The following DTNB variants were observed in gnomAD, a reference collection of about 807,000 sequenced individuals.
DTNB encodes dystrobrevin beta.
In DTNB, 63 loss-of-function variants were observed where a neutral mutation model predicts 90.7. That is an observed-to-expected ratio of 0.69 (90% CI 0.57 to 0.86). The LOEUF is 0.86. Among genes scored for constraint, DTNB ranks in the 40% least tolerant of loss-of-function variants. The probability of loss-of-function intolerance (pLI) is 0.00; values close to 1 mark genes in which losing one functional copy is unlikely to be tolerated. For missense variants in DTNB, 744 were observed against 807.1 expected (o/e 0.92, Z 0.95); for synonymous variants, 277 against 286.7 (o/e 0.97, Z 0.34).
intron 1 of DTNB, among the ~76,000 whole-genome samples, chr2:25,664,614 T>C (rs1159125427): frequency 6.6e-6 from 1 of 152,154 alleles, no homozygotes; most frequent in Non-Finnish European, 1.5e-5. Flanking sequence ...ACTTGATTGC[T>C]CATATTTTCT....
chr2:25,635,699 AC>A (rs1455810018), intron 3 of DTNB, among the ~76,000 whole-genome samples: 9 of 152,204 alleles, frequency 5.9e-5, no homozygotes, highest in Non-Finnish European at 1.2e-4. Context: ...TAAAAAAAAC[AC>A]AGGAGAGTTG....
intron 4 of DTNB, among the ~76,000 whole-genome samples, chr2:25,609,254 C>A (rs2067860150): frequency 1.3e-5 from 2 of 152,248 alleles, no homozygotes; most frequent in Admixed American, 1.3e-4. Flanking sequence ...AAGTGGCCCA[C>A]AAAGATGAAG....
chr2:25,647,069 A>G (rs1232554776), intron 2 of DTNB, among the ~76,000 whole-genome samples: 1 of 152,252 alleles, frequency 6.6e-6, no homozygotes, highest in African/African-American at 2.4e-5. Context: ...AATTTAAGTA[A>G]AAGAATGAAA....
intron 9 of DTNB, among the ~76,000 whole-genome samples, chr2:25,494,195 A>G (rs952648515): frequency 1.3e-5 from 2 of 152,122 alleles, no homozygotes; most frequent in Non-Finnish European, 2.9e-5. Context: ...TGGTATTTCT[A>G]TTTTGCAAAT....
In DTNB at chr2:25,532,847, A is replaced by G. The variant is rs147059982; in HGVS notation, c.877-1250T>C. Among the ~76,000 whole-genome samples, 447 of 152,350 alleles carry G rather than the reference A, an allele frequency of 2.9e-3. 3 individuals carry two copies. Among genetic ancestry groups the G allele is most frequent in the African/African-American group, 0.01 (429 of 41,576 alleles). On this transcript the variant is annotated intron_variant, in intron 8 of 20. Coordinates refer to ENST00000406818, the MANE Select transcript of DTNB (RefSeq NM_021907.5). ...CTGCCTCATCAATGCCACGTCCCCA[A>G]TAGACTTCTATATGCTGCTTGTTGT... is the stretch of plus-strand genomic sequence containing the variant.
At chr2:25,447,672 T>G (rs1410204284) in intron 12 of DTNB, among the ~76,000 whole-genome samples, 1 of 150,196 alleles carries the variant, frequency 6.7e-6, no homozygotes, top group Non-Finnish European at 1.5e-5. Flanking sequence ...ACCTGGCTAA[T>G]TTTTTTTTGT....
intron 9 of DTNB, among the ~76,000 whole-genome samples, chr2:25,503,133 A>G (rs1046361628): frequency 4.0e-4 from 60 of 149,460 alleles, no homozygotes; most frequent in African/African-American, 1.4e-3. Context: ...CAAGAAGTCA[A>G]ATTATCTCTA....
chr2:25,670,691 T>C (rs1198983400), intron 1 of DTNB, among the ~76,000 whole-genome samples: 1 of 152,174 alleles, frequency 6.6e-6, no homozygotes, highest in Non-Finnish European at 1.5e-5. Context: ...CTGATGCTCG[T>C]GTAATTCGAA....
At chr2:25,576,632 T>G in intron 8 of DTNB, 1 of 586,080 alleles carries the variant, frequency 1.7e-6, no homozygotes, top group Non-Finnish European at 2.8e-6. Flanking sequence ...TGTACTATCT[T>G]TGTTTCCTGG....
intron 2 of DTNB, among the ~76,000 whole-genome samples, chr2:25,650,677 T>C (rs1208414045): frequency 6.6e-6 from 1 of 152,120 alleles, no homozygotes; most frequent in Non-Finnish European, 1.5e-5. Flanking sequence ...AGCACAGATT[T>C]AGGCCAGGCA....
intron 10 of DTNB, among the ~76,000 whole-genome samples, chr2:25,469,531 C>T (rs759958568): frequency 2.6e-5 from 4 of 152,036 alleles, no homozygotes; most frequent in Admixed American, 6.6e-5. Context: ...CTGCAACCTC[C>T]GCCTCCTGGG....
intron 3 of DTNB, among the ~76,000 whole-genome samples, chr2:25,633,335 C>T (rs1229480118): frequency 2.6e-5 from 4 of 152,172 alleles, no homozygotes; most frequent in Admixed American, 2.6e-4. Context: ...GACTGGTTTT[C>T]GTATTTTTTT....
intron 16 of DTNB, among the ~76,000 whole-genome samples, chr2:25,406,725 T>G (rs2045295908): frequency 6.6e-6 from 1 of 152,160 alleles, no homozygotes; most frequent in Admixed American, 6.6e-5. Flanking sequence ...GACTTAGTCA[T>G]GAGGTCCTAC....
intron 16 of DTNB, 176 bp from the exon 17 acceptor site, chr2:25,388,537 A>T: frequency 1.2e-6 from 1 of 821,632 alleles, no homozygotes; most frequent in South Asian, 2.0e-5. Context: ...GAGGAAGAAA[A>T]GGAAAAAAGG....
intron 16 of DTNB, among the ~76,000 whole-genome samples, chr2:25,411,555 T>C (rs1404655077): frequency 6.6e-6 from 1 of 152,050 alleles, no homozygotes; most frequent in African/African-American, 2.4e-5. Flanking sequence ...TCTATGCACA[T>C]ATCCTGGGAC....
At chr2:25,444,100 A>AT (rs922211650) in intron 12 of DTNB, among the ~76,000 whole-genome samples, 12 of 151,962 alleles carry the variant, frequency 7.9e-5, no homozygotes, top group Non-Finnish European at 1.6e-4. Context: ...TGAATTTTAA[A>AT]TTTTTTTATA....
chr2:25,610,154 A>C (rs1360654084), intron 4 of DTNB, among the ~76,000 whole-genome samples: 1 of 152,152 alleles, frequency 6.6e-6, no homozygotes, highest in East Asian at 1.9e-4. Context: ...TCTGTCGCCC[A>C]GGCTGAAATA....
chr2:25,642,288 T>C (rs1334757618), intron 2 of DTNB, among the ~76,000 whole-genome samples: 2 of 152,210 alleles, frequency 1.3e-5, no homozygotes, highest in African/African-American at 2.4e-5. Context: ...GAAGATCATA[T>C]GATGCCAGGG....
At chr2:25,531,449 A>C in intron 9 of DTNB, 24 bp downstream of exon 9, 2 of 1,601,184 alleles carry the variant, frequency 1.2e-6, no homozygotes, top group Non-Finnish European at 1.7e-6. Context: ...TGTGATCCAC[A>C]TGCACATCCA....
Sources: allele counts gnomAD v4.1 joint callset (sites outside exome capture counted in the v4.1 genomes callset), GRCh38; gene constraint gnomAD v4.1.1; transcripts MANE v1.5; gene names NCBI Gene and HGNC (gene_info 2026-07-23, HGNC 2026-07-21).